The following SNTB1 variants were observed in gnomAD, a reference collection of about 807,000 sequenced individuals.
SNTB1 encodes syntrophin beta 1.
A neutral mutation model predicts 48.9 loss-of-function variants in SNTB1; 36 were observed. The observed-to-expected ratio is 0.74, with a 90% confidence interval of 0.56 to 0.97. The LOEUF (loss-of-function observed/expected upper bound fraction) is 0.97. Ranked by LOEUF, SNTB1 falls within the 50% of genes least tolerant of loss-of-function variation. SNTB1 has a pLI of 0.00. For synonymous variants in SNTB1, 299 were observed against 294.6 expected, an observed-to-expected ratio of 1.01 and a Z score of -0.15; for missense variants, 786 against 703.4, an observed-to-expected ratio of 1.12 and a Z score of -1.33.
At chr8:120,734,034 C>T (rs551978767) in intron 1 of SNTB1, among the ~76,000 whole-genome samples, 109 of 152,246 alleles carry the variant, frequency 7.2e-4, no homozygotes, top group Middle Eastern at 3.4e-3. Flanking sequence ...AAGAACTTAA[C>T]GCAGTGCTTA....
intron 2 of SNTB1, among the ~76,000 whole-genome samples, chr8:120,659,686 G>A (rs1377066567): frequency 6.6e-6 from 1 of 152,152 alleles, no homozygotes; most frequent in Non-Finnish European, 1.5e-5. Flanking sequence ...GGCAGCTATA[G>A]CCTTATGAAA....
Position 120,575,168 on chromosome 8 carries a change from C to A in SNTB1, c.1054G>T (p.Asp352Tyr). 6.2e-7 allele frequency: 1 copy of A among 1,614,134 alleles called. No individual in the cohort carries two copies. Among genetic ancestry groups the A allele is most frequent in the Non-Finnish European group, 8.5e-7 (1 of 1,180,008 alleles). The change falls in exon 4 of 7, where the codon GAC becomes TAC. Residue 352 changes from aspartate to tyrosine, a missense_variant. Physicochemically the swap from Asp to Tyr is radical, Grantham distance 160 (BLOSUM62 -3). Transcript: ENST00000517992. Reference protein sequence around the residue: ...KPALVVLTEKDLLIYDSMPRR... With the variant: ...KPALVVLTEKYLLIYDSMPRR... Reference sequence around the variant, plus strand: ...GGCATGCTGTCATAGATTAAAAGGTCTTTCTCAGTCAGCACAACCAGGGCT... The same window carrying A: ...GGCATGCTGTCATAGATTAAAAGGTATTTCTCAGTCAGCACAACCAGGGCT...
intron 1 of SNTB1, among the ~76,000 whole-genome samples, chr8:120,778,965 T>C (rs1819785159): frequency 2.0e-5 from 3 of 152,216 alleles, no homozygotes; most frequent in Admixed American, 2.0e-4. Context: ...TATTCATTTA[T>C]CCACTCCATC....
intron 3 of SNTB1, among the ~76,000 whole-genome samples, chr8:120,615,099 CG>C: frequency 6.6e-6 from 1 of 151,912 alleles, no homozygotes; most frequent in East Asian, 1.9e-4. Flanking sequence ...TTCAGTGAGC[CG>C]AGATTGCGCC....
chr8:120,569,937 C>A (rs1815817062), intron 4 of SNTB1, among the ~76,000 whole-genome samples: 1 of 152,236 alleles, frequency 6.6e-6, no homozygotes, highest in Non-Finnish European at 1.5e-5. Context: ...TGCCTGAAAT[C>A]CTAGCCTCCT....
intron 3 of SNTB1, among the ~76,000 whole-genome samples, chr8:120,582,959 A>G (rs923487536): frequency 1.3e-5 from 2 of 152,126 alleles, no homozygotes; most frequent in Non-Finnish European, 2.9e-5. Context: ...AGGGGACATC[A>G]CTACATAGTC....
intron 1 of SNTB1, among the ~76,000 whole-genome samples, chr8:120,796,360 T>C (rs2130166936): frequency 6.6e-6 from 1 of 152,176 alleles, no homozygotes; most frequent in African/African-American, 2.4e-5. Context: ...ATTACTTCTA[T>C]AAAGACCCTA....
At chr8:120,601,144 T>G (rs554262316) in intron 3 of SNTB1, among the ~76,000 whole-genome samples, 1 of 151,852 alleles carries the variant, frequency 6.6e-6, no homozygotes, top group Non-Finnish European at 1.5e-5. Context: ...TCAGACACAA[T>G]GAACACTTTC....
chr8:120,663,012 T>A (rs917364304), intron 2 of SNTB1, among the ~76,000 whole-genome samples: 3 of 1,798 alleles, frequency 1.7e-3, no homozygotes, highest in Non-Finnish European at 2.4e-3. Flanking sequence ...TGTGTGGGGG[T>A]GGGGGGGCTG....
chr8:120,758,252 A>T (rs61259281), intron 1 of SNTB1, among the ~76,000 whole-genome samples: 7,113 of 152,286 alleles, frequency 0.047, 226 homozygotes, highest in African/African-American at 0.085. Flanking sequence ...GTTTTTGCTT[A>T]AACAAATTGA....
At position 120,774,629 on chromosome 8, in the gene SNTB1, G is replaced by C. The variant is rs1819700465; in HGVS notation, c.571+36644C>G. On this transcript the variant is annotated intron_variant, in intron 1 of 6. Coordinates refer to ENST00000517992, the MANE Select transcript of SNTB1 (RefSeq NM_021021.4). ...ATTACAAAAACCAAAGAAGAGGAGGGTTTGTTGGTTTGTTTGCTTGTTTGT... is the reference window on the plus strand; with the variant it reads ...ATTACAAAAACCAAAGAAGAGGAGGCTTTGTTGGTTTGTTTGCTTGTTTGT... Among the ~76,000 whole-genome samples the C allele has an allele frequency of 2.6e-5, 4 of 151,888 alleles. No homozygotes were observed. In the South Asian group the frequency reaches 8.3e-4, roughly 32 times the overall value.
chr8:120,607,005 G>C (rs544152787), intron 3 of SNTB1, among the ~76,000 whole-genome samples: 4 of 152,278 alleles, frequency 2.6e-5, no homozygotes, highest in Admixed American at 2.6e-4. Context: ...ATCTTGAGAT[G>C]AGAAGACTGT....
chr8:120,781,122 G>T (rs1819824977), intron 1 of SNTB1, among the ~76,000 whole-genome samples: 1 of 152,208 alleles, frequency 6.6e-6, no homozygotes, highest in Non-Finnish European at 1.5e-5. Context: ...TACAGGCTAT[G>T]GGGAATGTCT....
chr8:120,613,224 G>A (rs13277867), intron 3 of SNTB1, among the ~76,000 whole-genome samples: 66,827 of 151,728 alleles, frequency 0.44, 17,843 homozygotes, highest in Non-Finnish European at 0.62. Flanking sequence ...GGTGGTGGGC[G>A]CCTATAATCC....
intron 1 of SNTB1, among the ~76,000 whole-genome samples, chr8:120,698,188 T>C (rs1014564202): frequency 6.6e-6 from 1 of 152,110 alleles, no homozygotes; most frequent in Admixed American, 6.5e-5. Context: ...TAAGGTATGA[T>C]TCTTCTTTAT....
chr8:120,794,237 G>T (rs1820084546), intron 1 of SNTB1, among the ~76,000 whole-genome samples: 1 of 151,948 alleles, frequency 6.6e-6, no homozygotes, highest in Admixed American at 6.6e-5. Context: ...CAGTAACTTG[G>T]AATGGAGCAC....
At chr8:120,590,099 C>T (rs955590125) in intron 3 of SNTB1, among the ~76,000 whole-genome samples, 2 of 152,192 alleles carry the variant, frequency 1.3e-5, no homozygotes, top group Non-Finnish European at 2.9e-5. Flanking sequence ...ACAGGCTCAT[C>T]CTACACTGCA....
At position 120,557,320 on chromosome 8, in the gene SNTB1, T is replaced by C. The variant is rs562202563; in HGVS notation, c.1137-8362A>G. ...CCCGTGTTTCCATCAAAGCCATCTC[T>C]GGACCTTGGCTAATCTAGGCGAGAA... On this transcript the variant is annotated intron_variant, in intron 4 of 6. Coordinates refer to ENST00000517992, the MANE Select transcript of SNTB1 (RefSeq NM_021021.4). 2.6e-4 allele frequency among the ~76,000 whole-genome samples: 39 copies of C among 152,368 alleles called. No homozygotes were observed. The South Asian group carries it at 6.2e-3, about 24-fold the overall frequency.
intron 2 of SNTB1, among the ~76,000 whole-genome samples, chr8:120,654,151 T>G (rs1446940669): frequency 6.7e-6 from 1 of 150,158 alleles, no homozygotes; most frequent in Non-Finnish European, 1.5e-5. Flanking sequence ...ACCATTCTGA[T>G]GTAAGGAACA....
Sources: allele counts gnomAD v4.1 joint callset (sites outside exome capture counted in the v4.1 genomes callset), GRCh38; gene constraint gnomAD v4.1.1; transcripts MANE v1.5; gene names NCBI Gene and HGNC (gene_info 2026-07-23, HGNC 2026-07-21).